CFAP73: variants seen among roughly 807,000 people sequenced by gnomAD.
CFAP73 encodes cilia- and flagella-associated protein 73.
A neutral mutation model predicts 42.9 loss-of-function variants in CFAP73; 33 were observed. The observed-to-expected ratio is 0.77, with a 90% confidence interval of 0.58 to 1.03. The LOEUF (loss-of-function observed/expected upper bound fraction) is 1.03, where lower values mean the gene tolerates loss of function less well. Among genes scored for constraint, CFAP73 ranks in the 50% least tolerant of loss-of-function variants. The pLI, the probability that CFAP73 is intolerant of heterozygous loss-of-function variation, is 0.00. For missense variants in CFAP73, 392 were observed against 411.9 expected (o/e 0.95, Z 0.42); for synonymous variants, 162 against 186.8 (o/e 0.87, Z 1.08).
At chr12:113,153,034 ACCGATT>A in intron 3 of CFAP73, 147 bp downstream of exon 3, 1 of 804,484 alleles carries the variant, frequency 1.2e-6, no homozygotes, top group Non-Finnish European at 1.9e-6. Context: ...GCCTGAAGCA[ACCGATT>A]AAAAAAAAAA....
Position 113,154,542 on chromosome 12 carries a change from G to T in CFAP73, c.597G>T (p.Arg199=). The T allele has an allele frequency of 6.7e-7, 1 of 1,486,088 alleles. No individual in the cohort carries two copies. The allele number at this position is 1,486,088 out of a possible 1,614,324, so 92.1% of individuals were successfully genotyped here. ...EAARARLQQL[R]DAWPDEVLAQ... ...CGCGAGCGCGGCTGCAGCAGCTGCG[G>T]GACGCCTGGCCGGACGAGGTGCTCG... Residue 199 remains arginine (R), a synonymous_variant, in exon 5 of 8, where the codon CGG becomes CGT. Transcript: ENST00000335621. This position sits in a 1 kb window ranked among gnomAD's most constrained non-coding sequence, Gnocchi z 4.7.
At chr12:113,155,956 C>G (rs1258433897) in intron 6 of CFAP73, among the ~76,000 whole-genome samples, 1 of 145,972 alleles carries the variant, frequency 6.9e-6, no homozygotes, top group Admixed American at 6.9e-5. Context: ...GAGACAGAGT[C>G]TAGTTCTGTC....
chr12:113,157,450 T>C, intron 6 of CFAP73, 152 bp from the exon 7 acceptor site: 1 of 658,798 alleles, frequency 1.5e-6, no homozygotes, highest in South Asian at 1.8e-5. Context: ...AGGATCTCAG[T>C]CACCACCTCT....
intron 1 of CFAP73, among the ~76,000 whole-genome samples, chr12:113,150,139 G>A (rs1952049401): frequency 6.6e-6 from 1 of 152,106 alleles, no homozygotes; most frequent in Admixed American, 6.6e-5. Flanking sequence ...ATCCGGCTGA[G>A]ATTAAATCAT....
Position 113,157,603 on chromosome 12 carries a change from T to G in CFAP73, c.851T>G (p.Val284Gly). ...TGACTTCGTGCTGGGCCCCCCCAGG[T>G]GAAGCTGTTCATGCAGGACCTCTCT... ...IEDTEGQLEH[V>G]KLFMQDLSAM... The change falls in exon 7 of 8, where the codon GTG (valine) becomes GGG (glycine). Residue 284 changes from valine (V) to glycine (G), a missense_variant and splice_region_variant. Physicochemically the swap from Val to Gly is moderately radical, Grantham distance 109. Coordinates refer to ENST00000335621, the MANE Select transcript of CFAP73 (RefSeq NM_001144872.3). 6.4e-7 allele frequency: 1 copy of G among 1,551,566 alleles called. No homozygotes were observed. Among genetic ancestry groups the G allele is most frequent in the Non-Finnish European group, 8.7e-7 (1 of 1,146,960 alleles).
Position 113,149,752 on chromosome 12 carries a change from C to G in CFAP73, c.-106C>G. On this transcript the variant is annotated 5_prime_UTR_variant, in exon 1 of 8. Transcript: ENST00000335621. ...GCCTGCTGGTGGCTGCCTTCTGGGC[C>G]GAGCTGAGCAGGCTTCCACACCACG... 8.5e-7 allele frequency: 1 copy of G among 1,172,438 alleles called. No individual in the cohort carries two copies. Among genetic ancestry groups the G allele is most frequent in the Non-Finnish European group, 1.2e-6 (1 of 817,478 alleles). The allele number at this position is 1,172,438 out of a possible 1,614,324, so 72.6% of individuals were successfully genotyped here.
intron 2 of CFAP73, among the ~76,000 whole-genome samples, chr12:113,152,464 G>A (rs138203829): frequency 6.6e-6 from 1 of 152,356 alleles, no homozygotes; most frequent in East Asian, 1.9e-4. Flanking sequence ...GATGAGGAAG[G>A]AAAAACAGGC....
intron 6 of CFAP73, among the ~76,000 whole-genome samples, chr12:113,156,553 C>G (rs1378947165): frequency 6.6e-6 from 1 of 152,046 alleles, no homozygotes; most frequent in Non-Finnish European, 1.5e-5. Flanking sequence ...GGCATCCCAC[C>G]TTTTCCCCAA....
intron 6 of CFAP73, 77 bp from the exon 7 acceptor site, chr12:113,157,525 C>A: frequency 8.1e-7 from 1 of 1,239,506 alleles, no homozygotes; most frequent in Non-Finnish European, 1.2e-6. Flanking sequence ...ACCTTTCGGC[C>A]TCCCCCGCGT....
chr12:113,154,560 G>A lies in CFAP73; in HGVS notation c.615G>A (p.Glu205=). The A allele has an allele frequency of 6.8e-7, 1 of 1,462,898 alleles. No individual in the cohort carries two copies. The highest frequency in any genetic ancestry group is 8.9e-7 in the Non-Finnish European group (1 of 1,117,832). 90.6% of individuals were successfully genotyped at this position (1,462,898 alleles called of 1,614,324 possible). A position where few individuals can be genotyped will look rare whatever the true frequency, so the allele number is the denominator to read the frequency against. ...LQQLRDAWPD[E]VLAQGQRRAQ... The stretch of plus-strand genomic sequence containing the variant: ...AGCTGCGGGACGCCTGGCCGGACGA[G>A]GTGCTCGCACAGGGCCAGCGGCGGG... Residue 205 remains glutamate, a synonymous_variant, in exon 5 of 8, where the codon GAG becomes GAA. Transcript: ENST00000335621. The surrounding 1 kb of genome is among the most constrained non-coding windows in gnomAD (Gnocchi z 4.7).
chr12:113,152,143 C>T (rs578086078), intron 2 of CFAP73, 120 bp downstream of exon 2: 196 of 686,660 alleles, frequency 2.9e-4, no homozygotes, highest in Non-Finnish European at 3.3e-4. Context: ...ATTTCCTCAT[C>T]GTCAAATGGG....
chr12:113,157,839 C>T, intron 7 of CFAP73, 149 bp downstream of exon 7: 2 of 640,750 alleles, frequency 3.1e-6, no homozygotes, highest in South Asian at 3.6e-5. Flanking sequence ...TGTGGGCCTG[C>T]CATGAGGGGC....
intron 3 of CFAP73, 55 bp downstream of exon 3, chr12:113,152,942 C>A: frequency 8.2e-7 from 1 of 1,217,034 alleles, no homozygotes; most frequent in Non-Finnish European, 1.2e-6. Context: ...GCCCACACTC[C>A]TATAGGGGCC....
intron 7 of CFAP73, 33 bp downstream of exon 7, chr12:113,157,723 C>G: frequency 1.4e-6 from 2 of 1,472,842 alleles, no homozygotes; most frequent in Non-Finnish European, 1.9e-6. Flanking sequence ...CCTGAGAGAC[C>G]CTGAGATAGG....
rs1952065716 is a variant in CFAP73, at chr12:113,151,934, G to A, written c.73G>A (p.Ala25Thr). 6 of 1,551,472 alleles carry A rather than the reference G, an allele frequency of 3.9e-6. No individual in the cohort carries two copies. The highest frequency in any genetic ancestry group is 5.2e-6 in the Non-Finnish European group (6 of 1,146,882). The change falls in exon 2 of 8, where the codon GCT becomes ACT. Residue 25 changes from alanine to threonine, a missense_variant. By Grantham distance (58) the Ala-to-Thr change is moderately conservative. Coordinates refer to ENST00000335621, the MANE Select transcript of CFAP73 (RefSeq NM_001144872.3). ...CCTCTTCAGAAAGCTGCCAGAGCAG[G>A]CTGAGGATCATGTCCCACCAGTACT... The part of the protein sequence containing the change: ...EKLSTKLPEQ[A>T]EDHVPPVLRL...
chr12:113,149,849 G>T lies in CFAP73; in HGVS notation c.-9G>T. On this transcript the variant is annotated 5_prime_UTR_variant, in exon 1 of 8. Transcript: ENST00000335621. ...TGGTGGAAAGAAAGCTGGGGCAACT[G>T]CCAGAAGGATGGCGGTGCCCTGGGA... The T allele has an allele frequency of 1.9e-6, 3 of 1,551,486 alleles. No individual in the cohort carries two copies. The highest frequency in any genetic ancestry group is 2.6e-6 in the Non-Finnish European group (3 of 1,146,858).
chr12:113,149,871 G>A lies in CFAP73; in HGVS notation c.14G>A (p.Trp5Ter). The A allele has an allele frequency of 6.4e-7, 1 of 1,551,620 alleles. No homozygotes were observed. The change falls in exon 1 of 8, where the codon TGG (tryptophan) becomes TAG (stop). Residue 5 changes from tryptophan (W) to a stop codon, truncating the protein, a stop_gained. Coordinates refer to ENST00000335621, the MANE Select transcript of CFAP73 (RefSeq NM_001144872.3). LOFTEE classifies it high-confidence loss of function. ...ACTGCCAGAAGGATGGCGGTGCCCT[G>A]GGAGGAATATTTCCGACTGGCTTTG... MAVP[W>*]EEYFRLALQE...
chr12:113,157,471 A>G, intron 6 of CFAP73, 131 bp from the exon 7 acceptor site: 1 of 726,292 alleles, frequency 1.4e-6, no homozygotes, highest in Non-Finnish European at 2.3e-6. Flanking sequence ...GGGAACCACC[A>G]TCATCACTGT....
rs1240249335 is a variant in CFAP73, at chr12:113,154,200, C to T, written c.469-214C>T. ...AGCGGAGATGGGAGGATCGCTTGAGCCCAGGAGTTCAAGATGACAGTGAGC... is the reference window on the plus strand; with the variant it reads ...AGCGGAGATGGGAGGATCGCTTGAGTCCAGGAGTTCAAGATGACAGTGAGC... On this transcript the variant is annotated intron_variant, in intron 4 of 7. Coordinates refer to ENST00000335621, the MANE Select transcript of CFAP73 (RefSeq NM_001144872.3). The surrounding 1 kb of genome is among the most constrained non-coding windows in gnomAD (Gnocchi z 4.7). 6.6e-6 allele frequency among the ~76,000 whole-genome samples: 1 copy of T among 152,078 alleles called. No individual in the cohort carries two copies. The highest frequency in any genetic ancestry group is 6.5e-5 in the Admixed American group (1 of 15,272).
Sources: gnomAD v4.1 joint callset for allele counts (sites outside exome capture counted in the v4.1 genomes callset) on GRCh38, gnomAD v4.1.1 for gene constraint, Gnocchi (gnomAD v3.1) non-coding constraint, MANE v1.5 for transcripts, NCBI Gene and HGNC (gene_info 2026-07-23, HGNC 2026-07-21) for gene names.